Variants in MACC1 observed in about 807,000 individuals in gnomAD.
MACC1 encodes the protein MET transcriptional regulator MACC1.
A neutral mutation model predicts 70.7 loss-of-function variants in MACC1; 79 were observed. The ratio of observed to expected loss-of-function variants is 1.12; its 90% CI spans 0.93 to 1.35. The LOEUF is 1.35. Among genes scored for constraint, MACC1 ranks in the 40% most tolerant of loss-of-function variants. The pLI is 0.00. For missense variants in MACC1, 1,106 were observed against 978.1 expected, an observed-to-expected ratio of 1.13 and a Z score of -1.74; for synonymous variants, 361 against 347.2, an observed-to-expected ratio of 1.04 and a Z score of -0.44.
chr7:20,164,062 G>T (rs1782176135), intron 3 of MACC1, among the ~76,000 whole-genome samples, 194 bp downstream of exon 3: 1 of 152,146 alleles, frequency 6.6e-6, no homozygotes, highest in African/African-American at 2.4e-5. Context: ...TGAGCCTCCA[G>T]AGTAGCCGGG....
At chr7:20,186,961 C>T (rs911385967) in intron 1 of MACC1, among the ~76,000 whole-genome samples, 1 of 152,072 alleles carries the variant, frequency 6.6e-6, no homozygotes, top group Non-Finnish European at 1.5e-5. Flanking sequence ...AGAATAATTA[C>T]TATCATGTTT....
At chr7:20,190,328 A>T (rs1782653974) in intron 1 of MACC1, among the ~76,000 whole-genome samples, 1 of 152,208 alleles carries the variant, frequency 6.6e-6, no homozygotes, top group African/African-American at 2.4e-5. Context: ...AATTTTGAAC[A>T]GTTTTCCTCT....
rs1312898605 is a variant in MACC1, at chr7:20,213,606, A to G, written c.-218+3693T>C. ...ATACTACATAGCCATAAAAAAGAAC[A>G]AGATCATGTATTTTGCAGGGACATG... On this transcript the variant is annotated intron_variant, in intron 1 of 6. Transcript: ENST00000400331. 2.0e-5 allele frequency among the ~76,000 whole-genome samples: 3 copies of G among 152,196 alleles called. No homozygotes were observed. The East Asian group carries it at 5.8e-4, about 29-fold the overall frequency.
At chr7:20,167,190 T>A (rs573141879) in intron 2 of MACC1, among the ~76,000 whole-genome samples, 11 of 152,126 alleles carry the variant, frequency 7.2e-5, no homozygotes, top group African/African-American at 1.7e-4. Flanking sequence ...ATTTTTTTTT[T>A]AATTTATTAT....
rs1781765889 is a variant in MACC1, at chr7:20,139,480, A to G, written c.*1466T>C. 1 of 152,200 alleles carries G rather than the reference A, an allele frequency of 6.6e-6. No homozygotes were observed. Among genetic ancestry groups the G allele is most frequent in the South Asian group, 2.1e-4 (1 of 4,824 alleles). 9.4% of individuals were successfully genotyped at this position (152,200 alleles called of 1,614,324 possible). On this transcript the variant is annotated 3_prime_UTR_variant, in exon 7 of 7. Coordinates refer to ENST00000400331, the MANE Select transcript of MACC1 (RefSeq NM_182762.4). ...CAGCCTCTCCATTGCAACTGTTAGTATGCATGCCATTTTCTATTTAACGGT... is the reference window on the plus strand; with the variant it reads ...CAGCCTCTCCATTGCAACTGTTAGTGTGCATGCCATTTTCTATTTAACGGT...
intron 1 of MACC1, among the ~76,000 whole-genome samples, chr7:20,178,517 A>T (rs3094995): frequency 6.6e-6 from 1 of 151,638 alleles, no homozygotes; most frequent in Non-Finnish European, 1.5e-5. Context: ...GTTTTTTATC[A>T]TTCTGTTAAA....
Position 20,138,179 on chromosome 7 carries a change from A to AAAAAAAAAAAAAAAAAAAAAAAAAAAAC in MACC1, c.*2766_*2767insGTTTTTTTTTTTTTTTTTTTTTTTTTTT, listed in dbSNP as rs1562576802. 6.5e-5 allele frequency: 9 copies of AAAAAAAAAAAAAAAAAAAAAAAAAAAAC among 139,448 alleles called. No individual in the cohort carries two copies. The highest frequency in any genetic ancestry group is 1.1e-4 in the Non-Finnish European group (7 of 64,300). 8.6% of individuals were successfully genotyped at this position (139,448 alleles called of 1,614,324 possible). A position where few individuals can be genotyped will look rare whatever the true frequency, so the allele number is the denominator to read the frequency against. On this transcript the variant is annotated 3_prime_UTR_variant, in exon 7 of 7. Transcript: ENST00000400331. The stretch of plus-strand genomic sequence containing the variant: ...AAAAAAAAAAAAAAAAAAAAAAAAA[A>AAAAAAAAAAAAAAAAAAAAAAAAAAAAC]AAATTTCCCCTGGAAGGATTTGTTA...
intron 1 of MACC1, among the ~76,000 whole-genome samples, chr7:20,190,420 TA>T (rs1356855851): frequency 6.6e-6 from 1 of 152,228 alleles, no homozygotes; most frequent in East Asian, 1.9e-4. Context: ...ACAAATTAAT[TA>T]ATAAATTTTT....
chr7:20,162,155 C>T (rs1782148361), intron 3 of MACC1, among the ~76,000 whole-genome samples: 1 of 152,010 alleles, frequency 6.6e-6, no homozygotes, highest in Admixed American at 6.6e-5. Flanking sequence ...ACAACAACAA[C>T]AACAACAAAA....
intron 2 of MACC1, among the ~76,000 whole-genome samples, chr7:20,166,896 C>A (rs1175022627): frequency 1.3e-5 from 2 of 152,074 alleles, no homozygotes; most frequent in Non-Finnish European, 2.9e-5. Context: ...GAGACTAAAT[C>A]AGGGATATAA....
intron 2 of MACC1, chr7:20,170,425 G>A (rs1365974894): frequency 6.6e-6 from 1 of 152,160 alleles, no homozygotes; most frequent in African/African-American, 2.4e-5. Context: ...AGTGGTTACT[G>A]ACAAAGATAT....
intron 1 of MACC1, among the ~76,000 whole-genome samples, chr7:20,205,494 T>C (rs1448800259): frequency 6.6e-6 from 1 of 151,052 alleles, no homozygotes; most frequent in East Asian, 1.9e-4. Context: ...ACCTCACCTG[T>C]AATTCAATCT....
intron 1 of MACC1, among the ~76,000 whole-genome samples, chr7:20,205,069 G>A (rs1168374910): frequency 6.6e-6 from 1 of 150,824 alleles, no homozygotes; most frequent in Non-Finnish European, 1.5e-5. Flanking sequence ...ATACTTTATT[G>A]GATATTAATA....
At chr7:20,177,888 C>G (rs1453418317) in intron 1 of MACC1, among the ~76,000 whole-genome samples, 2 of 152,118 alleles carry the variant, frequency 1.3e-5, no homozygotes, top group Non-Finnish European at 1.5e-5. Context: ...AAACAATTCA[C>G]ACTGACTGGC....
In MACC1 at chr7:20,136,785, G is replaced by A. The variant is rs950438062; in HGVS notation, c.*4161C>T. On this transcript the variant is annotated 3_prime_UTR_variant, in exon 7 of 7. Coordinates refer to ENST00000400331, the MANE Select transcript of MACC1 (RefSeq NM_182762.4). ...GGAGGGACTTACTTCTCCTCCTTGC[G>A]ATTATTATTGCGATTAAGGATTATT... The A allele has an allele frequency of 1.3e-5, 2 of 151,396 alleles. No individual in the cohort carries two copies. Among genetic ancestry groups the A allele is most frequent in the Non-Finnish European group, 2.9e-5 (2 of 67,860 alleles). The allele number at this position is 151,396 out of a possible 1,614,324, so 9.4% of individuals were successfully genotyped here. A position where few individuals can be genotyped will look rare whatever the true frequency, so the allele number is the denominator to read the frequency against.
At chr7:20,169,830 A>G (rs146249200) in intron 2 of MACC1, among the ~76,000 whole-genome samples, 102 of 152,342 alleles carry the variant, frequency 6.7e-4, no homozygotes, top group African/African-American at 2.4e-3. Flanking sequence ...TGCTGTTCAT[A>G]AGGATCAAAT....
At chr7:20,162,003 C>T in intron 3 of MACC1, 133 bp from the exon 4 acceptor site, 1 of 564,882 alleles carries the variant, frequency 1.8e-6, no homozygotes, top group Non-Finnish European at 3.2e-6. Flanking sequence ...TCTTCTACTC[C>T]TGGTAGGATA....
At chr7:20,151,523 G>A (rs1009935984) in intron 6 of MACC1, among the ~76,000 whole-genome samples, 2 of 152,114 alleles carry the variant, frequency 1.3e-5, no homozygotes, top group African/African-American at 4.8e-5. Context: ...TTGCTTTTAT[G>A]TAGTAATTAC....
At chr7:20,170,917 A>T (rs1226272356) in intron 1 of MACC1, 139 bp from the exon 2 acceptor site, 1 of 152,262 alleles carries the variant, frequency 6.6e-6, no homozygotes, top group Non-Finnish European at 1.5e-5. Context: ...GACTCATTAC[A>T]CCACACCATC....
Sources: gnomAD v4.1 joint callset for allele counts (sites outside exome capture counted in the v4.1 genomes callset) on GRCh38, gnomAD v4.1.1 for gene constraint, MANE v1.5 for transcripts, NCBI Gene and HGNC (gene_info 2026-07-23, HGNC 2026-07-21) for gene names.